Variants in PFKFB3 observed in about 807,000 individuals in gnomAD.
PFKFB3 encodes 6-phosphofructo-2-kinase/fructose-2,6-biphosphatase 3.
Under a neutral mutation model 68.0 loss-of-function variants are expected in PFKFB3, and 33 were observed. The observed-to-expected ratio is 0.49, with a 90% CI of 0.37 to 0.65. The LOEUF (loss-of-function observed/expected upper bound fraction) is 0.65, where lower values mean the gene tolerates loss of function less well. PFKFB3 is among the 30% of genes least tolerant of loss of function. The pLI, the probability that PFKFB3 is intolerant of heterozygous loss-of-function variation, is 0.00. For synonymous variants in PFKFB3, 315 were observed against 288.2 expected, an observed-to-expected ratio of 1.09 and a Z score of -0.94; for missense variants, 586 against 712.2, an observed-to-expected ratio of 0.82 and a Z score of 2.02.
chr10:6,291,716 A>G, the PFKFB3 span, among the ~76,000 whole-genome samples: 2 of 152,216 alleles, frequency 1.3e-5, no homozygotes, highest in African/African-American at 4.8e-5. Flanking sequence ...CTCGTTAAGT[A>G]TCATTAAACT....
Position 6,223,041 on chromosome 10 carries a change from G to A in PFKFB3, c.1213+57G>A, listed in dbSNP as rs79682828. 1,826 of 1,551,446 alleles carry A rather than the reference G, an allele frequency of 1.2e-3. 18 individuals are homozygous for A. In the African/African-American group the frequency reaches 0.021, roughly 18 times the overall value. On this transcript the variant is annotated intron_variant, in intron 11 of 14. Transcript: ENST00000379775. ...AGGGAGGAGGGGACTGGCACTCGGC[G>A]GGGGGTCAGCCGCAGACCTGCCGTG...
intron 1 of PFKFB3, among the ~76,000 whole-genome samples, chr10:6,148,151 C>T (rs1183262079): frequency 6.6e-6 from 1 of 152,242 alleles, no homozygotes; most frequent in African/African-American, 2.4e-5. Context: ...CTGTGCTCTC[C>T]AGCAAGTGCC....
At chr10:6,316,966 A>G in the PFKFB3 span, among the ~76,000 whole-genome samples, 3 of 152,194 alleles carry the variant, frequency 2.0e-5, no homozygotes. Context: ...ACACTGCTGC[A>G]GTCTTCTCCA....
chr10:6,291,945 G>GTTTTTTT, the PFKFB3 span, among the ~76,000 whole-genome samples: 2 of 94,348 alleles, frequency 2.1e-5, no homozygotes, highest in South Asian at 4.1e-4. Context: ...GAAACCAGTG[G>GTTTTTTT]TTTTTTTTTT....
rs904011387 is a variant in PFKFB3 at position 6,229,503 on chromosome 10, C to T, written c.1515+3138C>T. On this transcript the variant is annotated intron_variant, in intron 14 of 14. Transcript: ENST00000379775. This position sits in a 1 kb window ranked among gnomAD's most constrained non-coding sequence, Gnocchi z 4.3. The stretch of plus-strand genomic sequence containing the variant: ...AAGGCATGGGCAGCTGTTGGACCCT[C>T]GTGTACCCCCACAGCCACCCCCTTG... Among the ~76,000 whole-genome samples, 8 of 152,178 alleles carry T rather than the reference C, an allele frequency of 5.3e-5. No homozygotes were observed. Among genetic ancestry groups the T allele is most frequent in the African/African-American group, 4.8e-5 (2 of 41,450 alleles).
rs373116170 is a variant in PFKFB3, at chr10:6,245,363, A to G, written c.1516-8815A>G. Among the ~76,000 whole-genome samples, 77 of 151,502 alleles carry G rather than the reference A, an allele frequency of 5.1e-4. No individual in the cohort carries two copies. In the East Asian group the frequency reaches 5.4e-3, roughly 11 times the overall value. Reference sequence around the variant, plus strand: ...GCCCGCCTTGGCCTCCCAAAGTGCTAGGATTACTGGCATGAGCTACTGCAC... The same window carrying G: ...GCCCGCCTTGGCCTCCCAAAGTGCTGGGATTACTGGCATGAGCTACTGCAC... On this transcript the variant is annotated intron_variant, in intron 14 of 14. Coordinates refer to the PFKFB3 transcript ENST00000640683.
At chr10:6,246,795 C>T (rs1313257200) in intron 14 of PFKFB3, among the ~76,000 whole-genome samples, 6 of 152,116 alleles carry the variant, frequency 3.9e-5, no homozygotes, top group Non-Finnish European at 8.8e-5. Context: ...CCTTGATTCC[C>T]GTGCCTTCTC....
rs1470426794 is a variant in PFKFB3, at chr10:6,228,227, C to G, written c.1515+1862C>G. 7 of 1,612,546 alleles carry G rather than the reference C, an allele frequency of 4.3e-6. No homozygotes were observed. The highest frequency in any genetic ancestry group is 1.7e-5 in the Admixed American group (1 of 59,996). On this transcript the variant is annotated intron_variant, in intron 14 of 14. Coordinates refer to ENST00000379775, the MANE Select transcript of PFKFB3 (RefSeq NM_004566.4). The surrounding 1 kb of genome is among the most constrained non-coding windows in gnomAD (Gnocchi z 4.5). ...CTAGGGCAAGCCTGTCTGTAAGTATCTCTCCGATCATCGCTGCTGCTTGCA... is the reference window on the plus strand; with the variant it reads ...CTAGGGCAAGCCTGTCTGTAAGTATGTCTCCGATCATCGCTGCTGCTTGCA...
chr10:6,149,172 C>T (rs1373863556), intron 1 of PFKFB3, among the ~76,000 whole-genome samples: 2 of 152,172 alleles, frequency 1.3e-5, no homozygotes, highest in East Asian at 1.9e-4. Context: ...TTGAATAAAT[C>T]GTTGAGGTCC....
At chr10:6,195,147 C>T (rs935032113) in intron 1 of PFKFB3, among the ~76,000 whole-genome samples, 2 of 152,200 alleles carry the variant, frequency 1.3e-5, no homozygotes, top group Admixed American at 6.5e-5. Flanking sequence ...GCTGGGATTA[C>T]AGGCGTGAGC....
intron 1 of PFKFB3, among the ~76,000 whole-genome samples, chr10:6,181,202 G>A (rs1842703772): frequency 6.6e-6 from 1 of 152,124 alleles, no homozygotes; most frequent in African/African-American, 2.4e-5. Context: ...AAAATGTTTT[G>A]TAGAGATAAA....
In PFKFB3 at chr10:6,174,443, C is replaced by T. The variant is rs566243384; in HGVS notation, c.16+29430C>T. Among the ~76,000 whole-genome samples, 85 of 152,306 alleles carry T rather than the reference C, an allele frequency of 5.6e-4. 1 individual carries two copies. The highest frequency in any genetic ancestry group is 2.0e-3 in the African/African-American group (82 of 41,566). On this transcript the variant is annotated intron_variant, in intron 1 of 14. Coordinates refer to the PFKFB3 transcript ENST00000379789. ...GGCCACGTCACACTGGCAGATGGGA[C>T]GCGGGCATCAGCTCAAGTTCTGTGG... is the stretch of plus-strand genomic sequence containing the variant.
At chr10:6,295,375 C>G in the PFKFB3 span, among the ~76,000 whole-genome samples, 1 of 152,074 alleles carries the variant, frequency 6.6e-6, no homozygotes, top group Non-Finnish European at 1.5e-5. Context: ...GCGCCCACCT[C>G]CACGCCTGGC....
the PFKFB3 span, among the ~76,000 whole-genome samples, chr10:6,267,350 G>A: frequency 1.3e-5 from 2 of 152,366 alleles, no homozygotes; most frequent in Admixed American, 1.3e-4. Context: ...AGGAAGGTCT[G>A]AAAGGAGAAG....
chr10:6,277,332 C>T, the PFKFB3 span, among the ~76,000 whole-genome samples: 1 of 151,844 alleles, frequency 6.6e-6, no homozygotes, highest in Non-Finnish European at 1.5e-5. Context: ...CTCCTGGGTT[C>T]CAGCGATTCT....
At chr10:6,297,361 A>G in the PFKFB3 span, among the ~76,000 whole-genome samples, 2 of 151,920 alleles carry the variant, frequency 1.3e-5, no homozygotes, top group East Asian at 3.9e-4. Flanking sequence ...TGATGCTTGA[A>G]CCCTAGGGAG....
intron 1 of PFKFB3, among the ~76,000 whole-genome samples, chr10:6,179,839 G>T (rs1406830745): frequency 6.6e-6 from 1 of 152,248 alleles, no homozygotes; most frequent in Middle Eastern, 3.4e-3. Flanking sequence ...TCCAAAGTGG[G>T]GAGGGAGTGG....
the PFKFB3 span, among the ~76,000 whole-genome samples, chr10:6,304,176 A>G: frequency 2.0e-5 from 3 of 152,174 alleles, no homozygotes; most frequent in Admixed American, 6.5e-5. Flanking sequence ...CAGATTGTTT[A>G]CTTACTGCAG....
rs1842384186 is a variant in PFKFB3 at position 6,173,922 on chromosome 10, CG to C, written c.16+28913del. Among the ~76,000 whole-genome samples the C allele has an allele frequency of 3.3e-5, 5 of 151,900 alleles. No individual in the cohort carries two copies. In the South Asian group the frequency reaches 8.3e-4, roughly 25 times the overall value. On this transcript the variant is annotated intron_variant, in intron 1 of 14. Coordinates refer to the PFKFB3 transcript ENST00000379789. ...ATGCGCAGTGGACGCAAACGGGAGG[CG>C]GGGAGGAAGAGATGGGGAGTGAGGG...
Sources: gnomAD v4.1 joint callset for allele counts (sites outside exome capture counted in the v4.1 genomes callset) on GRCh38, gnomAD v4.1.1 for gene constraint, Gnocchi (gnomAD v3.1) non-coding constraint, MANE v1.5 for transcripts, NCBI Gene and HGNC (gene_info 2026-07-23, HGNC 2026-07-21) for gene names.